Variants in ULK4 observed in about 807,000 individuals in gnomAD.
The protein encoded by ULK4 is inactive serine/threonine-protein kinase ULK4.
ULK4 carries 133 observed loss-of-function variants against 160.6 expected under a neutral mutation model. The observed-to-expected ratio is 0.83, with a 90% CI of 0.72 to 0.96. The LOEUF (loss-of-function observed/expected upper bound fraction) is 0.96, where lower values mean the gene tolerates loss of function less well. Among genes scored for constraint, ULK4 ranks in the 40% least tolerant of loss-of-function variants. The pLI, the probability that ULK4 is intolerant of heterozygous loss-of-function variation, is 0.00. For missense variants in ULK4, 1,580 were observed against 1,499.5 expected (o/e 1.05, Z -0.89); for synonymous variants, 534 against 539.8 (o/e 0.99, Z 0.15).
intron 21 of ULK4, among the ~76,000 whole-genome samples, chr3:41,760,123 AT>A (rs1234819523): frequency 2.0e-5 from 3 of 152,212 alleles, no homozygotes; most frequent in Non-Finnish European, 4.4e-5. Context: ...AATGAACAAA[AT>A]ATTTAAACAG....
At chr3:41,720,140 T>C (rs1488995039) in intron 22 of ULK4, among the ~76,000 whole-genome samples, 1 of 152,250 alleles carries the variant, frequency 6.6e-6, no homozygotes, top group Non-Finnish European at 1.5e-5. Context: ...TTTTTAATTA[T>C]CTGATAATGT....
At chr3:41,425,973 G>A (rs1383864223) in intron 34 of ULK4, among the ~76,000 whole-genome samples, 1 of 152,122 alleles carries the variant, frequency 6.6e-6, no homozygotes, top group Non-Finnish European at 1.5e-5. Flanking sequence ...CCAATTAAAA[G>A]GCACAGAATG....
intron 19 of ULK4, among the ~76,000 whole-genome samples, chr3:41,809,107 A>G (rs1390123909): frequency 2.0e-5 from 3 of 150,622 alleles, no homozygotes; most frequent in Non-Finnish European, 4.4e-5. Context: ...CTGAGGTTGC[A>G]GTGAGCCGTG....
chr3:41,502,461 G>C (rs2085244091), intron 32 of ULK4, among the ~76,000 whole-genome samples: 1 of 152,060 alleles, frequency 6.6e-6, no homozygotes, highest in Non-Finnish European at 1.5e-5. Context: ...ATTTGCTCAA[G>C]AAAAATGAAA....
chr3:41,938,901 G>GA (rs1404824409), intron 2 of ULK4, among the ~76,000 whole-genome samples: 1 of 151,532 alleles, frequency 6.6e-6, no homozygotes, highest in East Asian at 1.9e-4. Flanking sequence ...GGCCAAGAAA[G>GA]AAAAAAACAA....
chr3:41,401,885 G>T (rs1452835648), intron 34 of ULK4, among the ~76,000 whole-genome samples: 1 of 152,174 alleles, frequency 6.6e-6, no homozygotes, highest in Non-Finnish European at 1.5e-5. Context: ...GGGCCCAGTT[G>T]TGTGATATAC....
intron 12 of ULK4, among the ~76,000 whole-genome samples, chr3:41,901,602 T>C (rs1698366994): frequency 1.3e-5 from 2 of 150,626 alleles, no homozygotes; most frequent in Non-Finnish European, 3.0e-5. Flanking sequence ...TGCTTCAGCC[T>C]CCCAAGTCGT....
intron 18 of ULK4, among the ~76,000 whole-genome samples, chr3:41,824,860 C>T (rs1046211542): frequency 1.3e-5 from 2 of 152,202 alleles, no homozygotes; most frequent in Non-Finnish European, 2.9e-5. Flanking sequence ...AACGGACAGA[C>T]TGCCTCCTCA....
intron 34 of ULK4, among the ~76,000 whole-genome samples, chr3:41,418,345 G>GGGT (rs1559586540): frequency 6.8e-6 from 1 of 146,720 alleles, no homozygotes; most frequent in African/African-American, 2.5e-5. Flanking sequence ...AATTTGGCGG[G>GGGT]GGGGGGGGCA....
intron 30 of ULK4, among the ~76,000 whole-genome samples, chr3:41,650,492 G>A (rs911097434): frequency 6.6e-6 from 1 of 152,196 alleles, no homozygotes; most frequent in Non-Finnish European, 1.5e-5. Flanking sequence ...GAGGCTGCTT[G>A]TGGTATGCCT....
intron 31 of ULK4, among the ~76,000 whole-genome samples, chr3:41,601,378 T>C (rs989219907): frequency 1.3e-5 from 2 of 152,108 alleles, no homozygotes; most frequent in Admixed American, 6.5e-5. Context: ...CACATCTCCT[T>C]TATGGAAAAA....
At chr3:41,610,092 C>T (rs1262001275) in intron 31 of ULK4, among the ~76,000 whole-genome samples, 1 of 151,532 alleles carries the variant, frequency 6.6e-6, no homozygotes, top group Non-Finnish European at 1.5e-5. Flanking sequence ...TCTCAGCTCA[C>T]TGCAACCTCT....
chr3:41,621,632 T>C (rs1559438749), intron 30 of ULK4, among the ~76,000 whole-genome samples: 1 of 152,142 alleles, frequency 6.6e-6, no homozygotes. Context: ...ACTATATAGT[T>C]ACATGTAAAA....
In ULK4 at chr3:41,368,190, G is replaced by A. The variant is rs138319672; in HGVS notation, c.3678+29889C>T. Among the ~76,000 whole-genome samples the A allele has an allele frequency of 9.8e-3, 1,494 of 151,906 alleles. 19 individuals are homozygous for A. The highest frequency in any genetic ancestry group is 0.034 in the African/African-American group (1,410 of 41,420). On this transcript the variant is annotated intron_variant, in intron 35 of 36. Transcript: ENST00000301831. ...AGCCTCCTGAGTAGCTGGCACTACA[G>A]GCGCCCACCACGACGCCCGGCTAAT...
chr3:41,825,988 G>C (rs556230229), intron 18 of ULK4, among the ~76,000 whole-genome samples: 1 of 152,216 alleles, frequency 6.6e-6, no homozygotes, highest in African/African-American at 2.4e-5. Flanking sequence ...AGCCAGAAGA[G>C]AGTGGGGACC....
intron 32 of ULK4, among the ~76,000 whole-genome samples, chr3:41,482,358 T>C: frequency 6.6e-6 from 1 of 152,082 alleles, no homozygotes; most frequent in East Asian, 1.9e-4. Context: ...GGAGCAGCAG[T>C]GATGGTGTCT....
At chr3:41,249,214 A>G (rs1033171451) in intron 36 of ULK4, among the ~76,000 whole-genome samples, 5 of 152,162 alleles carry the variant, frequency 3.3e-5, no homozygotes, top group Non-Finnish European at 5.9e-5. Flanking sequence ...CAGGGGCCTC[A>G]AGGTGGGAAT....
chr3:41,551,810 C>CA (rs1032360968), intron 32 of ULK4, among the ~76,000 whole-genome samples: 4 of 151,760 alleles, frequency 2.6e-5, no homozygotes, highest in African/African-American at 9.7e-5. Context: ...AACACAACTA[C>CA]AAAAAAACCC....
chr3:41,829,932 G>A (rs1338828731), intron 18 of ULK4, among the ~76,000 whole-genome samples: 4 of 151,720 alleles, frequency 2.6e-5, no homozygotes, highest in Non-Finnish European at 5.9e-5. Context: ...TTAAGAAAAT[G>A]TGGTACATAT....
Sources: gnomAD v4.1 joint callset for allele counts (sites outside exome capture counted in the v4.1 genomes callset) on GRCh38, gnomAD v4.1.1 for gene constraint, MANE v1.5 for transcripts, NCBI Gene and HGNC (gene_info 2026-07-23, HGNC 2026-07-21) for gene names.